STAU2: variants seen among roughly 807,000 people sequenced by gnomAD.
STAU2 encodes staufen double-stranded RNA binding protein 2.
In STAU2, 20 loss-of-function variants were observed where a neutral mutation model predicts 65.9. That is an observed-to-expected ratio of 0.30 (90% CI 0.21 to 0.44). The LOEUF is 0.44. STAU2 is among the 20% of genes least tolerant of loss of function. STAU2 has a pLI of 1.00. For missense variants in STAU2, 558 were observed against 683.9 expected (o/e 0.82, Z 2.05); for synonymous variants, 232 against 233.9 (o/e 0.99, Z 0.07).
At chr8:73,591,513 C>T (rs1161401117) in intron 11 of STAU2, among the ~76,000 whole-genome samples, 4 of 151,856 alleles carry the variant, frequency 2.6e-5, no homozygotes. Flanking sequence ...AAAGTAAGCA[C>T]AGGGAAAAAA....
intron 12 of STAU2, among the ~76,000 whole-genome samples, chr8:73,580,866 C>T (rs1310989741): frequency 6.6e-6 from 1 of 152,186 alleles, no homozygotes; most frequent in African/African-American, 2.4e-5. Context: ...CACCTCCTTA[C>T]AGCTGGGAAG....
intron 11 of STAU2, among the ~76,000 whole-genome samples, chr8:73,592,706 A>G (rs966044613): frequency 1.3e-5 from 2 of 152,138 alleles, no homozygotes; most frequent in African/African-American, 2.4e-5. Flanking sequence ...TAAAAATACA[A>G]AAAATCAGCC....
chr8:73,483,805 G>A (rs994748383), intron 13 of STAU2, among the ~76,000 whole-genome samples: 6 of 152,130 alleles, frequency 3.9e-5, no homozygotes, highest in Non-Finnish European at 5.9e-5. Flanking sequence ...TGATTGATAC[G>A]CAGGACTTGG....
chr8:73,680,911 AC>A (rs1024579896), intron 5 of STAU2, among the ~76,000 whole-genome samples: 3 of 152,034 alleles, frequency 2.0e-5, no homozygotes, highest in African/African-American at 7.2e-5. Flanking sequence ...CCAATCTGAC[AC>A]AGACAAAGGA....
intron 6 of STAU2, chr8:73,651,716 A>G: frequency 2.2e-6 from 1 of 454,524 alleles, no homozygotes; most frequent in Non-Finnish European, 4.1e-6. Flanking sequence ...AGGAAGTGGC[A>G]TGCATACGCT....
At chr8:73,464,348 G>A (rs1346159393) in intron 13 of STAU2, among the ~76,000 whole-genome samples, 1 of 152,132 alleles carries the variant, frequency 6.6e-6, no homozygotes, top group African/African-American at 2.4e-5. Context: ...TTCTTTTAGA[G>A]GGTGACACCT....
At chr8:73,463,611 C>A (rs1025678201) in intron 13 of STAU2, among the ~76,000 whole-genome samples, 7 of 152,172 alleles carry the variant, frequency 4.6e-5, no homozygotes, top group African/African-American at 1.7e-4. Flanking sequence ...GATGTGCAAT[C>A]CAACATTTGG....
At chr8:73,581,139 G>C (rs1177696044) in intron 12 of STAU2, among the ~76,000 whole-genome samples, 1 of 151,626 alleles carries the variant, frequency 6.6e-6, no homozygotes, top group Non-Finnish European at 1.5e-5. Flanking sequence ...GTATCCCTTA[G>C]CAAGTTAAAA....
rs4237004 is a variant in STAU2, at chr8:73,440,707, A to T, written c.1531-18005T>A. The T allele has an allele frequency of 0.43, 65,510 of 151,996 alleles. 14,979 individuals are homozygous for T. Among genetic ancestry groups the T allele is most frequent in the Admixed American group, 0.57 (8,630 of 15,268 alleles). 9.4% of individuals were successfully genotyped at this position (151,996 alleles called of 1,614,324 possible). A position where few individuals can be genotyped will look rare whatever the true frequency, so the allele number is the denominator to read the frequency against. ...ACCCAAAGCCAACCCTTTGCATATA[A>T]CCAGAGTGATTTTTTTGAAATGTAA... On this transcript the variant is annotated intron_variant, in intron 13 of 14. Transcript: ENST00000524300.
chr8:73,695,864 C>T (rs1819663229), intron 4 of STAU2, among the ~76,000 whole-genome samples: 1 of 152,128 alleles, frequency 6.6e-6, no homozygotes, highest in Admixed American at 6.5e-5. Context: ...AAGAAAACAT[C>T]AGGTAAATTG....
At position 73,421,227 on chromosome 8, in the gene STAU2, A is replaced by G. The variant is rs952225331; in HGVS notation, c.*145T>C. ...CCCAGTTGAATAAACAGTACCATGT[A>G]TATTATCTCTCGTGTTAGAATAGTG... On this transcript the variant is annotated 3_prime_UTR_variant, in exon 15 of 15. Transcript: ENST00000524300. 1.5e-6 allele frequency: 1 copy of G among 689,040 alleles called. No individual in the cohort carries two copies. The highest frequency in any genetic ancestry group is 2.6e-5 in the Admixed American group (1 of 37,994). 42.7% of individuals were successfully genotyped at this position (689,040 alleles called of 1,614,324 possible).
intron 3 of STAU2, among the ~76,000 whole-genome samples, chr8:73,724,866 T>G (rs1447696327): frequency 1.3e-5 from 2 of 152,040 alleles, no homozygotes; most frequent in Non-Finnish European, 2.9e-5. Flanking sequence ...TTTTGTATTT[T>G]TTGTAGAGAT....
intron 13 of STAU2, among the ~76,000 whole-genome samples, chr8:73,517,067 C>T (rs1227173163): frequency 6.6e-6 from 1 of 151,884 alleles, no homozygotes; most frequent in Non-Finnish European, 1.5e-5. Flanking sequence ...TAGTAAATTC[C>T]TACCTAAATA....
intron 12 of STAU2, among the ~76,000 whole-genome samples, chr8:73,575,771 T>A (rs1428812314): frequency 1.3e-5 from 2 of 149,880 alleles, no homozygotes; most frequent in Non-Finnish European, 3.0e-5. Flanking sequence ...TATATACATT[T>A]ATACATATGT....
chr8:73,732,023 C>G (rs1244095975), intron 3 of STAU2, among the ~76,000 whole-genome samples: 2 of 152,186 alleles, frequency 1.3e-5, no homozygotes, highest in African/African-American at 2.4e-5. Context: ...AATCAGGGAA[C>G]AGCTTAGATG....
intron 11 of STAU2, among the ~76,000 whole-genome samples, chr8:73,584,946 C>A (rs897203574): frequency 2.0e-5 from 3 of 152,144 alleles, no homozygotes; most frequent in African/African-American, 7.2e-5. Context: ...CTTTTACATT[C>A]CTACCATACT....
At chr8:73,654,338 C>T (rs956626739) in intron 6 of STAU2, among the ~76,000 whole-genome samples, 4 of 151,864 alleles carry the variant, frequency 2.6e-5, no homozygotes, top group Non-Finnish European at 4.4e-5. Context: ...TTAACTATGA[C>T]TGCTATGTTC....
intron 13 of STAU2, among the ~76,000 whole-genome samples, chr8:73,482,356 T>A (rs1820678186): frequency 6.6e-6 from 1 of 151,918 alleles, no homozygotes; most frequent in South Asian, 2.1e-4. Flanking sequence ...AAAAAAACTG[T>A]CTTTTTTTTA....
intron 12 of STAU2, among the ~76,000 whole-genome samples, chr8:73,555,845 A>G (rs1225240021): frequency 6.6e-6 from 1 of 152,182 alleles, no homozygotes; most frequent in Admixed American, 6.5e-5. Context: ...CTGTATATCA[A>G]TCCTATTTTA....
Sources: gnomAD v4.1 joint callset for allele counts (sites outside exome capture counted in the v4.1 genomes callset) on GRCh38, gnomAD v4.1.1 for gene constraint, MANE v1.5 for transcripts, NCBI Gene and HGNC (gene_info 2026-07-23, HGNC 2026-07-21) for gene names.